Variants in VPS13C observed in about 807,000 individuals in gnomAD.
The protein encoded by VPS13C is vacuolar protein sorting 13 homolog C.
In VPS13C, 358 loss-of-function variants were observed where a neutral mutation model predicts 456.8. The observed-to-expected ratio is 0.78, with a 90% confidence interval of 0.72 to 0.86. VPS13C has a LOEUF of 0.86. Among genes scored for constraint, VPS13C ranks in the 40% least tolerant of loss-of-function variants. The pLI, the probability that VPS13C is intolerant of heterozygous loss-of-function variation, is 0.00. For synonymous variants in VPS13C, 1,578 were observed against 1,486.7 expected, an observed-to-expected ratio of 1.06 and a Z score of -1.41; for missense variants, 4,818 against 4,385.4, an observed-to-expected ratio of 1.10 and a Z score of -2.79.
intron 67 of VPS13C, among the ~76,000 whole-genome samples, chr15:61,888,531 G>T (rs948048535): frequency 1.3e-5 from 2 of 152,048 alleles, no homozygotes; most frequent in Non-Finnish European, 2.9e-5. Flanking sequence ...ACAAAGAAAT[G>T]AGCTGTCAAG....
At chr15:61,984,441 G>A (rs1440981266) in intron 19 of VPS13C, among the ~76,000 whole-genome samples, 3 of 152,078 alleles carry the variant, frequency 2.0e-5, no homozygotes, top group African/African-American at 2.4e-5. Context: ...AACTAAGCTC[G>A]TGTAGCATTA....
At chr15:61,990,958 G>T in intron 18 of VPS13C, 42 bp downstream of exon 18, 1 of 1,368,188 alleles carries the variant, frequency 7.3e-7, no homozygotes, top group Non-Finnish European at 1.0e-6. Flanking sequence ...ATCTAATATA[G>T]TACAATGAGA....
At chr15:61,992,111 A>G (rs2046241078) in intron 16 of VPS13C, among the ~76,000 whole-genome samples, 4 of 152,200 alleles carry the variant, frequency 2.6e-5, no homozygotes, top group Admixed American at 2.6e-4. Flanking sequence ...TTTTTAAGTT[A>G]AGAAGCCACC....
chr15:62,005,740 G>T (rs994254658), intron 15 of VPS13C, among the ~76,000 whole-genome samples: 3 of 150,594 alleles, frequency 2.0e-5, no homozygotes, highest in African/African-American at 7.3e-5. Flanking sequence ...TTTCGCTCTT[G>T]TTGCCAGGCT....
At chr15:61,969,889 A>G (rs1370990098) in intron 27 of VPS13C, among the ~76,000 whole-genome samples, 1 of 152,058 alleles carries the variant, frequency 6.6e-6, no homozygotes, top group East Asian at 1.9e-4. Context: ...AATAAAAAAT[A>G]AAACGTGGTA....
At chr15:61,944,102 G>A (rs926158210) in intron 45 of VPS13C, among the ~76,000 whole-genome samples, 1 of 152,084 alleles carries the variant, frequency 6.6e-6, no homozygotes, top group Non-Finnish European at 1.5e-5. Context: ...CCATTTCACA[G>A]CGGTCAGAAT....
chr15:61,967,491 C>T, intron 28 of VPS13C, 44 bp from the exon 29 acceptor site: 3 of 1,439,668 alleles, frequency 2.1e-6, no homozygotes, highest in Non-Finnish European at 2.9e-6. Flanking sequence ...AAATAAATTG[C>T]TCTTTTGTAA....
intron 13 of VPS13C, among the ~76,000 whole-genome samples, chr15:62,009,392 C>A (rs1355197951): frequency 1.3e-5 from 2 of 151,532 alleles, no homozygotes; most frequent in Non-Finnish European, 2.9e-5. Context: ...AGTCTAGCTT[C>A]CTCCTCTCTA....
intron 66 of VPS13C, among the ~76,000 whole-genome samples, chr15:61,893,374 T>C (rs1442378361): frequency 6.6e-6 from 1 of 152,092 alleles, no homozygotes; most frequent in African/African-American, 2.4e-5. Context: ...CCAAGAATAT[T>C]GTATCCAACA....
intron 22 of VPS13C, among the ~76,000 whole-genome samples, chr15:61,979,085 C>T (rs990624106): frequency 6.6e-6 from 1 of 152,120 alleles, no homozygotes; most frequent in Non-Finnish European, 1.5e-5. Flanking sequence ...TGACCCCCAC[C>T]CTACACCCTT....
chr15:61,959,605 A>C lies in VPS13C; in HGVS notation c.3909-10T>G. 5 of 1,607,686 alleles carry C rather than the reference A, an allele frequency of 3.1e-6. No individual in the cohort carries two copies. The highest frequency in any genetic ancestry group is 4.3e-6 in the Non-Finnish European group (5 of 1,176,118). On this transcript the variant is annotated splice_polypyrimidine_tract_variant and intron_variant, in intron 35 of 84. Coordinates refer to ENST00000644861, the MANE Select transcript of VPS13C (RefSeq NM_020821.3). ...TGGCTGGATCACTGTCCTACGAAAA[A>C]CAGAAATGTTACATAATGCATAGAT...
intron 65 of VPS13C, 42 bp from the exon 66 acceptor site, chr15:61,907,432 G>C: frequency 6.2e-7 from 1 of 1,601,476 alleles, no homozygotes; most frequent in African/African-American, 1.3e-5. Context: ...ATATCTTGGA[G>C]ATAAGAAACC....
rs181206354 is a variant in VPS13C, at chr15:61,945,181, T to C, written c.5148+534A>G. Among the ~76,000 whole-genome samples, 17 of 152,356 alleles carry C rather than the reference T, an allele frequency of 1.1e-4. No homozygotes were observed. In the East Asian group the frequency reaches 2.5e-3, roughly 22 times the overall value. ...CTGAGGCCTCCGCAGCTATGCGGAA[T>C]GGTGAGTGCATTAAACCTCTTTTCT... On this transcript the variant is annotated intron_variant, in intron 45 of 84. Transcript: ENST00000644861.
chr15:61,953,237 TTTTA>T (rs2140296796), intron 38 of VPS13C, among the ~76,000 whole-genome samples: 1 of 152,010 alleles, frequency 6.6e-6, no homozygotes, highest in South Asian at 2.1e-4. Context: ...ATTTATTTTA[TTTTA>T]TTTTATTATT....
At chr15:61,989,762 T>C (rs893892519) in intron 18 of VPS13C, among the ~76,000 whole-genome samples, 3 of 152,224 alleles carry the variant, frequency 2.0e-5, no homozygotes, top group Non-Finnish European at 4.4e-5. Flanking sequence ...CCATTTAGAA[T>C]GGCTAAAATT....
At chr15:61,961,433 AC>A in intron 35 of VPS13C, among the ~76,000 whole-genome samples, 155 bp downstream of exon 35, 1 of 141,454 alleles carries the variant, frequency 7.1e-6, no homozygotes, top group South Asian at 2.3e-4. Flanking sequence ...ACACACACAC[AC>A]ACACACACAA....
intron 66 of VPS13C, among the ~76,000 whole-genome samples, chr15:61,891,100 T>C (rs2042636725): frequency 6.6e-6 from 1 of 152,190 alleles, no homozygotes; most frequent in African/African-American, 2.4e-5. Context: ...AGCTTATTTT[T>C]ATATTTTCAT....
intron 9 of VPS13C, among the ~76,000 whole-genome samples, chr15:62,019,783 T>C (rs774568407): frequency 1.4e-4 from 21 of 152,002 alleles, no homozygotes; most frequent in Admixed American, 3.3e-4. Flanking sequence ...GGGTGGACAG[T>C]TCTGTAGATG....
At chr15:62,012,347 T>C (rs1291537503) in intron 11 of VPS13C, among the ~76,000 whole-genome samples, 183 bp from the exon 12 acceptor site, 1 of 151,830 alleles carries the variant, frequency 6.6e-6, no homozygotes, top group African/African-American at 2.4e-5. Flanking sequence ...AGTATAAAGA[T>C]ACAGAAGCAG....
Sources: gnomAD v4.1 joint callset for allele counts (sites outside exome capture counted in the v4.1 genomes callset) on GRCh38, gnomAD v4.1.1 for gene constraint, MANE v1.5 for transcripts, NCBI Gene and HGNC (gene_info 2026-07-23, HGNC 2026-07-21) for gene names.